Variants in PLCG1 observed in about 807,000 individuals in gnomAD.
PLCG1 encodes the protein 1-phosphatidylinositol 4,5-bisphosphate phosphodiesterase gamma-1.
A neutral mutation model predicts 177.8 loss-of-function variants in PLCG1; 71 were observed. That is an observed-to-expected ratio of 0.40 (90% CI 0.33 to 0.49). The LOEUF is 0.49. PLCG1 is among the 20% of genes least tolerant of loss of function. The pLI is 0.72. For synonymous variants in PLCG1, 658 were observed against 647.9 expected, an observed-to-expected ratio of 1.02 and a Z score of -0.24; for missense variants, 1,281 against 1,709.0, an observed-to-expected ratio of 0.75 and a Z score of 4.42.
chr20:41,167,978 G>T lies in PLCG1; in HGVS notation c.2379+49G>T, dbSNP rs200386810. 24 of 1,236,594 alleles carry T rather than the reference G, an allele frequency of 1.9e-5. No homozygotes were observed. In the African/African-American group the frequency reaches 3.2e-4, roughly 17 times the overall value. 76.6% of individuals were successfully genotyped at this position (1,236,594 alleles called of 1,614,324 possible). On this transcript the variant is annotated intron_variant, in intron 20 of 31. Transcript: ENST00000685551. The surrounding 1 kb of genome is among the most constrained non-coding windows in gnomAD (Gnocchi z 4.4). ...AGGAAGCTGGGGAGGGTCCCCAGCT[G>T]CTTGGGGCTTCATTTCTGTGTTCTG...
At position 41,163,856 on chromosome 20, in the gene PLCG1, C is replaced by T. The variant is rs1369156861; in HGVS notation, c.1010+23C>T. The T allele has an allele frequency of 3.1e-6, 5 of 1,608,972 alleles. No homozygotes were observed. Among genetic ancestry groups the T allele is most frequent in the Non-Finnish European group, 4.3e-6 (5 of 1,175,404 alleles). Reference sequence around the variant, plus strand: ...CACGTGAGTGTGGCTCCTTCAGGCCCACCCAGCTTCTTCCCCAGGAGGGCC... The same window carrying T: ...CACGTGAGTGTGGCTCCTTCAGGCCTACCCAGCTTCTTCCCCAGGAGGGCC... On this transcript the variant is annotated intron_variant, in intron 10 of 31. Transcript: ENST00000685551. This position sits in a 1 kb window ranked among gnomAD's most constrained non-coding sequence, Gnocchi z 5.2.
Position 41,144,390 on chromosome 20 carries a change from C to G in PLCG1, c.217+6532C>G, listed in dbSNP as rs1211038749. Among the ~76,000 whole-genome samples the G allele has an allele frequency of 1.3e-5, 2 of 152,208 alleles. No homozygotes were observed. The highest frequency in any genetic ancestry group is 2.4e-5 in the African/African-American group (1 of 41,448). On this transcript the variant is annotated intron_variant, in intron 1 of 31. Coordinates refer to ENST00000685551, the MANE Select transcript of PLCG1 (RefSeq NM_002660.3). The surrounding 1 kb of genome is among the most constrained non-coding windows in gnomAD (Gnocchi z 4.1). ...CTCTGGCCACATGTGTTTGACCAGC[C>G]TAGACTTCCATCTGTGGACAAGCTG...
At chr20:41,154,593 C>G (rs1445165716) in intron 1 of PLCG1, among the ~76,000 whole-genome samples, 1 of 151,938 alleles carries the variant, frequency 6.6e-6, no homozygotes, top group African/African-American at 2.4e-5. Context: ...TAGTGGCAGG[C>G]CTGTGACTTG....
In PLCG1 at chr20:41,177,031, G is replaced by A. The variant is rs2036083304; in HGVS notation, c.*2522G>A. The stretch of plus-strand genomic sequence containing the variant: ...TAGGTATTGTTCAAAACCTCTCAAG[G>A]TGATTTAAATGAGTAACAAGGGTTG... On this transcript the variant is annotated 3_prime_UTR_variant, in exon 32 of 32. Coordinates refer to ENST00000685551, the MANE Select transcript of PLCG1 (RefSeq NM_002660.3). 6.6e-6 allele frequency: 1 copy of A among 152,242 alleles called. No individual in the cohort carries two copies. The highest frequency in any genetic ancestry group is 2.4e-5 in the African/African-American group (1 of 41,460). 9.4% of individuals were successfully genotyped at this position (152,242 alleles called of 1,614,324 possible). A position where few individuals can be genotyped will look rare whatever the true frequency, so the allele number is the denominator to read the frequency against.
In PLCG1 at chr20:41,159,611, A is replaced by G; in HGVS notation, c.223A>G (p.Ile75Val). 1.9e-6 allele frequency: 3 copies of G among 1,613,964 alleles called. No homozygotes were observed. The East Asian group carries it at 6.7e-5, about 36-fold the overall frequency. The change falls in exon 2 of 32, where the codon ATT (isoleucine) becomes GTT (valine). Residue 75 changes from isoleucine (I) to valine (V), a missense_variant. Ile to Val is a conservative substitution (Grantham distance 29, BLOSUM62 3). Transcript: ENST00000685551. This position sits in a 1 kb window ranked among gnomAD's most constrained non-coding sequence, Gnocchi z 6.0. Reference sequence around the variant, plus strand: ...CCTCTTTGCTACCTTCCTAGTTGACATTCGTGAAATTAAGGAGATCCGCCC... The same window carrying G: ...CCTCTTTGCTACCTTCCTAGTTGACGTTCGTGAAATTAAGGAGATCCGCCC... ...GADKIEGAID[I>V]REIKEIRPGK...
Position 41,166,190 on chromosome 20 carries a change from A to G in PLCG1, c.1800-4A>G, listed in dbSNP as rs553616108. On this transcript the variant is annotated splice_polypyrimidine_tract_variant and splice_region_variant and intron_variant, in intron 16 of 31. Transcript: ENST00000685551. The surrounding 1 kb of genome is among the most constrained non-coding windows in gnomAD (Gnocchi z 8.6). ...CAGCCTCCCTCACTCTGTGTCTTCCACAGGCGGAACGGGAAAGTCCAGCAC... is the reference window on the plus strand; with the variant it reads ...CAGCCTCCCTCACTCTGTGTCTTCCGCAGGCGGAACGGGAAAGTCCAGCAC... 4.3e-6 allele frequency: 7 copies of G among 1,611,734 alleles called. No individual in the cohort carries two copies. In the African/African-American group the frequency reaches 9.3e-5, roughly 21 times the overall value.
In PLCG1 at chr20:41,166,406, G is replaced by C. The variant is rs1053120740; in HGVS notation, c.2000+12G>C. Reference sequence around the variant, plus strand: ...CACGAGAGCAAAGAGTGAGGGAAGGGCCTGGGGGCGGACAAGGCAGGGCAG... The same window carrying C: ...CACGAGAGCAAAGAGTGAGGGAAGGCCCTGGGGGCGGACAAGGCAGGGCAG... On this transcript the variant is annotated intron_variant, in intron 17 of 31. Transcript: ENST00000685551. The surrounding 1 kb of genome is among the most constrained non-coding windows in gnomAD (Gnocchi z 8.6). The C allele has an allele frequency of 6.2e-7, 1 of 1,614,054 alleles. No homozygotes were observed. Among genetic ancestry groups the C allele is most frequent in the Non-Finnish European group, 8.5e-7 (1 of 1,180,038 alleles).
In PLCG1 at chr20:41,144,844, C is replaced by G. The variant is rs1247161872; in HGVS notation, c.217+6986C>G. The stretch of plus-strand genomic sequence containing the variant: ...CTAGCGTGGTTTGTGTTCCATCTCA[C>G]CATACCTACTCTCCTTAAAAAAAAA... On this transcript the variant is annotated intron_variant, in intron 1 of 31. Coordinates refer to ENST00000685551, the MANE Select transcript of PLCG1 (RefSeq NM_002660.3). The surrounding 1 kb of genome is among the most constrained non-coding windows in gnomAD (Gnocchi z 4.1). 2.0e-5 allele frequency among the ~76,000 whole-genome samples: 3 copies of G among 152,088 alleles called. No individual in the cohort carries two copies. Among genetic ancestry groups the G allele is most frequent in the African/African-American group, 7.2e-5 (3 of 41,406 alleles).
rs2035986166 is a variant in PLCG1 at position 41,174,071 on chromosome 20, T to C, written c.3646-53T>C. ...GTGGGAGGAGAGCCAGGCAGCAGCC[T>C]CTAGAAGTGCAGAGGAGTCATTGAC... On this transcript the variant is annotated intron_variant, in intron 30 of 31. Transcript: ENST00000685551. This position sits in a 1 kb window ranked among gnomAD's most constrained non-coding sequence, Gnocchi z 5.8. 1 of 1,608,746 alleles carries C rather than the reference T, an allele frequency of 6.2e-7. No individual in the cohort carries two copies. Among genetic ancestry groups the C allele is most frequent in the East Asian group, 2.2e-5 (1 of 44,864 alleles).
In PLCG1 at chr20:41,166,924, C is replaced by T. The variant is rs1300905760; in HGVS notation, c.2301+65C>T. 1.2e-5 allele frequency: 17 copies of T among 1,455,296 alleles called. No homozygotes were observed. Among genetic ancestry groups the T allele is most frequent in the Admixed American group, 1.7e-5 (1 of 59,064 alleles). 90.1% of individuals were successfully genotyped at this position (1,455,296 alleles called of 1,614,324 possible). On this transcript the variant is annotated intron_variant, in intron 19 of 31. Coordinates refer to ENST00000685551, the MANE Select transcript of PLCG1 (RefSeq NM_002660.3). This position sits in a 1 kb window ranked among gnomAD's most constrained non-coding sequence, Gnocchi z 8.6. The stretch of plus-strand genomic sequence containing the variant: ...AGGAGAGACCCAGAATCTTACCAGT[C>T]TCTGGATGTGTGTAACAGCAAGACC...
In PLCG1 at chr20:41,165,111, C is replaced by T. The variant is rs374828162; in HGVS notation, c.1386+10C>T. On this transcript the variant is annotated intron_variant, in intron 13 of 31. Coordinates refer to ENST00000685551, the MANE Select transcript of PLCG1 (RefSeq NM_002660.3). This position sits in a 1 kb window ranked among gnomAD's most constrained non-coding sequence, Gnocchi z 6.6. ...GAAGATCCTCATCAAGGTGGGGTGG[C>T]GGGCTTATTGCGGAAGCCCCACACT... The T allele has an allele frequency of 1.8e-5, 29 of 1,609,544 alleles. No homozygotes were observed. Among genetic ancestry groups the T allele is most frequent in the East Asian group, 4.5e-5 (2 of 44,796 alleles).
Position 41,166,832 on chromosome 20 carries a change from G to A in PLCG1, c.2274G>A (p.Glu758=). 6.2e-7 allele frequency: 1 copy of A among 1,614,158 alleles called. No individual in the cohort carries two copies. The highest frequency in any genetic ancestry group is 8.5e-7 in the Non-Finnish European group (1 of 1,180,040). Residue 758 remains glutamate (E), a synonymous_variant, in exon 19 of 32, where the codon GAG becomes GAA. Transcript: ENST00000685551. This position sits in a 1 kb window ranked among gnomAD's most constrained non-coding sequence, Gnocchi z 8.6. ...RKMKLRYPIN[E]EALEKIGTAE... The stretch of plus-strand genomic sequence containing the variant: ...TGAAGCTGCGCTATCCCATCAACGA[G>A]GAGGCACTGGAGAAGATTGGCACAG...
At position 41,148,273 on chromosome 20, in the gene PLCG1, C is replaced by T. The variant is rs1600638644; in HGVS notation, c.217+10415C>T. Among the ~76,000 whole-genome samples the T allele has an allele frequency of 6.6e-6, 1 of 152,312 alleles. No homozygotes were observed. Among genetic ancestry groups the T allele is most frequent in the South Asian group, 2.1e-4 (1 of 4,822 alleles). On this transcript the variant is annotated intron_variant, in intron 1 of 31. Transcript: ENST00000685551. This position sits in a 1 kb window ranked among gnomAD's most constrained non-coding sequence, Gnocchi z 4.3. ...AACCAAGGTTGGGGTGGTGAGATGT[C>T]ATGGGGTTCAGGGAGTGGCAGAGGG...
chr20:41,139,478 T>C (rs1214943030), intron 1 of PLCG1, among the ~76,000 whole-genome samples: 1 of 152,184 alleles, frequency 6.6e-6, no homozygotes, highest in Non-Finnish European at 1.5e-5. Flanking sequence ...GCAATAAATG[T>C]AGCACAGTGG....
rs531038535 is a variant in PLCG1 at position 41,165,171 on chromosome 20, T to C, written c.1386+70T>C. ...CTTGCCCAGGCCATGGCTTCAGCTG[T>C]TGGGCCTAAACCTGGGTGAGGAGGT... On this transcript the variant is annotated intron_variant, in intron 13 of 31. Transcript: ENST00000685551. The surrounding 1 kb of genome is among the most constrained non-coding windows in gnomAD (Gnocchi z 6.6). The C allele has an allele frequency of 1.3e-5, 21 of 1,604,254 alleles. No individual in the cohort carries two copies. In the East Asian group the frequency reaches 4.0e-4, roughly 31 times the overall value.
Position 41,156,686 on chromosome 20 carries a change from A to G in PLCG1, c.218-2920A>G, listed in dbSNP as rs2146025591. On this transcript the variant is annotated intron_variant, in intron 1 of 31. Transcript: ENST00000685551. The surrounding 1 kb of genome is among the most constrained non-coding windows in gnomAD (Gnocchi z 5.0). The stretch of plus-strand genomic sequence containing the variant: ...TGCTAGGTCATGGATTTTTGGGTAT[A>G]ACGTGTGACTTTCCTACTCCCCTAA... 6.6e-6 allele frequency among the ~76,000 whole-genome samples: 1 copy of G among 152,164 alleles called. No individual in the cohort carries two copies. Among genetic ancestry groups the G allele is most frequent in the South Asian group, 2.1e-4 (1 of 4,812 alleles).
In PLCG1 at chr20:41,157,067, G is replaced by A. The variant is rs1399640010; in HGVS notation, c.218-2539G>A. 1.3e-5 allele frequency among the ~76,000 whole-genome samples: 2 copies of A among 152,268 alleles called. No homozygotes were observed. The highest frequency in any genetic ancestry group is 6.5e-5 in the Admixed American group (1 of 15,286). ...CGGAAGACAGTACAAGGGATCAGGTGTGGCCAACAGGAACTTGGGAGCATT... is the reference window on the plus strand; with the variant it reads ...CGGAAGACAGTACAAGGGATCAGGTATGGCCAACAGGAACTTGGGAGCATT... On this transcript the variant is annotated intron_variant, in intron 1 of 31. Transcript: ENST00000685551. The surrounding 1 kb of genome is among the most constrained non-coding windows in gnomAD (Gnocchi z 5.4).
At position 41,177,529 on chromosome 20, in the gene PLCG1, G is replaced by A. The variant is rs1280558231; in HGVS notation, c.*3020G>A. 1 of 152,230 alleles carries A rather than the reference G, an allele frequency of 6.6e-6. No individual in the cohort carries two copies. Among genetic ancestry groups the A allele is most frequent in the Non-Finnish European group, 1.5e-5 (1 of 68,042 alleles). 9.4% of individuals were successfully genotyped at this position (152,230 alleles called of 1,614,324 possible). Reference sequence around the variant, plus strand: ...TCACCATGTGAGTTCTGTTGAGGGTGGGTAGAAAGCAAATAGGTTCAGGTT... The same window carrying A: ...TCACCATGTGAGTTCTGTTGAGGGTAGGTAGAAAGCAAATAGGTTCAGGTT... On this transcript the variant is annotated 3_prime_UTR_variant, in exon 32 of 32. Coordinates refer to ENST00000685551, the MANE Select transcript of PLCG1 (RefSeq NM_002660.3).
At position 41,151,934 on chromosome 20, in the gene PLCG1, C is replaced by T. The variant is rs1017633717; in HGVS notation, c.218-7672C>T. 6.6e-6 allele frequency among the ~76,000 whole-genome samples: 1 copy of T among 152,200 alleles called. No homozygotes were observed. Among genetic ancestry groups the T allele is most frequent in the South Asian group, 2.1e-4 (1 of 4,832 alleles). ...TGAAGGGGGATCTGCAGTGCAGTGC[C>T]TGCCGTACCCCACAGGGAGTTGTAT... On this transcript the variant is annotated intron_variant, in intron 1 of 31. Transcript: ENST00000685551. This position sits in a 1 kb window ranked among gnomAD's most constrained non-coding sequence, Gnocchi z 5.5.
Sources: gnomAD v4.1 joint callset for allele counts (sites outside exome capture counted in the v4.1 genomes callset) on GRCh38, gnomAD v4.1.1 for gene constraint, Gnocchi (gnomAD v3.1) non-coding constraint, MANE v1.5 for transcripts, NCBI Gene and HGNC (gene_info 2026-07-23, HGNC 2026-07-21) for gene names.